Variants in SCN10A observed in about 807,000 individuals in gnomAD.
SCN10A encodes the protein sodium voltage-gated channel alpha subunit 10.
Under a neutral mutation model 170.7 loss-of-function variants are expected in SCN10A, and 162 were observed. That is an observed-to-expected ratio of 0.95 (90% CI 0.84 to 1.08). The LOEUF (loss-of-function observed/expected upper bound fraction) is 1.08, where lower values mean the gene tolerates loss of function less well. Among genes scored for constraint, SCN10A ranks in the 50% least tolerant of loss-of-function variants. The pLI, the probability that SCN10A is intolerant of heterozygous loss-of-function variation, is 0.00. For synonymous variants in SCN10A, 985 were observed against 904.6 expected (o/e 1.09, Z -1.59); for missense variants, 2,527 against 2,436.9 (o/e 1.04, Z -0.78).
rs76153742 is a variant in SCN10A, at chr3:38,807,505, T to C, written c.-33+8532A>G. ...CTACTGACTTGACGTCCCAGCAGGATTTGACATGACTGGCCGCTCTATTTT... is the reference window on the plus strand; with the variant it reads ...CTACTGACTTGACGTCCCAGCAGGACTTGACATGACTGGCCGCTCTATTTT... On this transcript the variant is annotated intron_variant, in intron 1 of 27. Transcript: ENST00000449082. 6.4e-3 allele frequency among the ~76,000 whole-genome samples: 973 copies of C among 152,268 alleles called. 6 individuals carry two copies. Among genetic ancestry groups the C allele is most frequent in the Non-Finnish European group, 0.011 (719 of 68,010 alleles).
Position 38,739,689 on chromosome 3 carries a change from C to G in SCN10A, c.2107-1G>C. ...CAGCAGTAAAAAATATGGTAAAGAC[C>G]TAGGAGTGGAAACAAGCTTTCATCA... On this transcript the variant is annotated splice_acceptor_variant, in intron 14 of 27. Transcript: ENST00000449082. LOFTEE classifies it high-confidence loss of function. 1.2e-6 allele frequency: 2 copies of G among 1,609,654 alleles called. No homozygotes were observed. Among genetic ancestry groups the G allele is most frequent in the Non-Finnish European group, 1.7e-6 (2 of 1,176,554 alleles).
intron 3 of SCN10A, among the ~76,000 whole-genome samples, chr3:38,790,773 C>T (rs937119749): frequency 6.6e-6 from 1 of 152,020 alleles, no homozygotes; most frequent in Non-Finnish European, 1.5e-5. Flanking sequence ...GTTTCATTAT[C>T]TGTAAAATGG....
intron 1 of SCN10A, among the ~76,000 whole-genome samples, chr3:38,808,117 C>G (rs988272779): frequency 1.3e-5 from 2 of 152,178 alleles, no homozygotes; most frequent in African/African-American, 4.8e-5. Flanking sequence ...CTGGCATGAT[C>G]TGGTCCCTGC....
chr3:38,706,885 A>C (rs1346339061), intron 26 of SCN10A, among the ~76,000 whole-genome samples: 1 of 152,062 alleles, frequency 6.6e-6, no homozygotes, highest in African/African-American at 2.4e-5. Flanking sequence ...GTGGGGTAGA[A>C]TATAGGGTGA....
At chr3:38,788,267 T>TA (rs1170265021) in intron 4 of SCN10A, among the ~76,000 whole-genome samples, 2 of 145,080 alleles carry the variant, frequency 1.4e-5, no homozygotes, top group Non-Finnish European at 3.0e-5. Flanking sequence ...CCTGTTATTA[T>TA]AACCAAAGGT....
intron 12 of SCN10A, among the ~76,000 whole-genome samples, chr3:38,750,656 C>T (rs2063737743): frequency 6.6e-6 from 1 of 152,270 alleles, no homozygotes; most frequent in South Asian, 2.1e-4. Context: ...GATAAGGAGG[C>T]TTGGATAATT....
chr3:38,785,914 A>G (rs1478030628), intron 4 of SCN10A, among the ~76,000 whole-genome samples: 1 of 152,244 alleles, frequency 6.6e-6, no homozygotes, highest in African/African-American at 2.4e-5. Context: ...AATGCCAGTC[A>G]AAACCACAAT....
intron 4 of SCN10A, among the ~76,000 whole-genome samples, chr3:38,776,815 G>A (rs1221240701): frequency 6.6e-6 from 1 of 151,976 alleles, no homozygotes; most frequent in Non-Finnish European, 1.5e-5. Flanking sequence ...GCCTCATTTA[G>A]CAAAATAGAT....
intron 13 of SCN10A, among the ~76,000 whole-genome samples, chr3:38,743,342 C>G (rs149027411): frequency 0.024 from 3,645 of 152,310 alleles, 70 homozygotes; most frequent in Middle Eastern, 0.075. Context: ...TATTCAAGGC[C>G]TGCATCATCC....
chr3:38,722,344 C>A lies in SCN10A; in HGVS notation c.3421G>T (p.Val1141Leu). The change falls in exon 20 of 28, where the codon GTG becomes TTG. Residue 1141 changes from valine to leucine, a missense_variant. Coordinates refer to ENST00000449082, the MANE Select transcript of SCN10A (RefSeq NM_006514.4). ...TKSPWDVGWQVRKTCYRIVEH... is the reference protein window; with the variant it reads ...TKSPWDVGWQLRKTCYRIVEH... Reference sequence around the variant, plus strand: ...ACGATACGGTAGCAAGTCTTGCGCACCTGCCAGCCCACATCCCATGGACTC... The same window carrying A: ...ACGATACGGTAGCAAGTCTTGCGCAACTGCCAGCCCACATCCCATGGACTC... 1 of 1,614,136 alleles carries A rather than the reference C, an allele frequency of 6.2e-7. No homozygotes were observed. Among genetic ancestry groups the A allele is most frequent in the Non-Finnish European group, 8.5e-7 (1 of 1,180,028 alleles).
chr3:38,808,125 T>C (rs1239233800), intron 1 of SCN10A, among the ~76,000 whole-genome samples: 1 of 152,188 alleles, frequency 6.6e-6, no homozygotes, highest in Admixed American at 6.5e-5. Flanking sequence ...ATCTGGTCCC[T>C]GCCCATCACC....
intron 5 of SCN10A, among the ~76,000 whole-genome samples, chr3:38,765,260 G>T (rs772557957): frequency 1.4e-4 from 22 of 151,974 alleles, no homozygotes; most frequent in Non-Finnish European, 2.5e-4. Context: ...ATTTGCTTTG[G>T]GTCCTTGGTC....
At chr3:38,700,816 A>G (rs2063148649) in intron 27 of SCN10A, among the ~76,000 whole-genome samples, 1 of 152,200 alleles carries the variant, frequency 6.6e-6, no homozygotes, top group Non-Finnish European at 1.5e-5. Flanking sequence ...CCCGACATGA[A>G]AAGTAAGCAG....
chr3:38,773,905 TTA>T (rs1209007727), intron 4 of SCN10A, among the ~76,000 whole-genome samples: 3 of 152,224 alleles, frequency 2.0e-5, no homozygotes. Flanking sequence ...AAAATTAGTA[TTA>T]TGAGTATATT....
intron 5 of SCN10A, among the ~76,000 whole-genome samples, chr3:38,764,897 A>G (rs62244077): frequency 0.23 from 34,664 of 152,094 alleles, 4,228 homozygotes; most frequent in East Asian, 0.4. Context: ...GGTTATGGCC[A>G]TTCTTGCAGG....
At chr3:38,755,718 C>T in intron 11 of SCN10A, 70 bp downstream of exon 11, 3 of 1,570,604 alleles carry the variant, frequency 1.9e-6, no homozygotes, top group South Asian at 2.2e-5. Flanking sequence ...CACCTCTTCC[C>T]ACTCCAACTC....
At chr3:38,778,218 T>C (rs2064098439) in intron 4 of SCN10A, among the ~76,000 whole-genome samples, 2 of 152,006 alleles carry the variant, frequency 1.3e-5, no homozygotes, top group Admixed American at 1.3e-4. Context: ...GAGAAAACAT[T>C]TATCTTCTCT....
At chr3:38,771,100 G>A (rs1051807528) in intron 5 of SCN10A, among the ~76,000 whole-genome samples, 179 bp downstream of exon 5, 3 of 152,124 alleles carry the variant, frequency 2.0e-5, no homozygotes, top group Admixed American at 6.5e-5. Context: ...TTATTTAAAA[G>A]GATCTATGAA....
intron 25 of SCN10A, among the ~76,000 whole-genome samples, chr3:38,708,734 T>A (rs1222402398): frequency 1.3e-5 from 2 of 152,128 alleles, no homozygotes; most frequent in Non-Finnish European, 2.9e-5. Flanking sequence ...ATTGAATGAA[T>A]GAGAAAACTG....
Sources: gnomAD v4.1 joint callset for allele counts (sites outside exome capture counted in the v4.1 genomes callset) on GRCh38, gnomAD v4.1.1 for gene constraint, MANE v1.5 for transcripts, NCBI Gene and HGNC (gene_info 2026-07-23, HGNC 2026-07-21) for gene names.